ARHGEF2: variants seen among roughly 807,000 people sequenced by gnomAD.
The protein encoded by ARHGEF2 is Rho/Rac guanine nucleotide exchange factor 2.
Under a neutral mutation model 121.0 loss-of-function variants are expected in ARHGEF2, and 22 were observed. That is an observed-to-expected ratio of 0.18 (90% CI 0.13 to 0.26). The LOEUF is 0.26. Ranked by LOEUF, ARHGEF2 falls within the 10% of genes least tolerant of loss-of-function variation. The probability of loss-of-function intolerance (pLI) is 1.00; values close to 1 mark genes in which losing one functional copy is unlikely to be tolerated. For synonymous variants in ARHGEF2, 487 were observed against 530.0 expected, an observed-to-expected ratio of 0.92 and a Z score of 1.11; for missense variants, 907 against 1,336.0, an observed-to-expected ratio of 0.68 and a Z score of 5.01.
At position 155,950,697 on chromosome 1, in the gene ARHGEF2, C is replaced by G; in HGVS notation, c.2703+132G>C. On this transcript the variant is annotated intron_variant, in intron 20 of 21. Transcript: ENST00000361247. This position sits in a 1 kb window ranked among gnomAD's most constrained non-coding sequence, Gnocchi z 5.2. ...CTACATTTCTTTTCAGTTCTCCAAC[C>G]AGTATCTCAATATCCTTCAAGTCAG... 3.7e-6 allele frequency: 4 copies of G among 1,067,170 alleles called. No homozygotes were observed. The highest frequency in any genetic ancestry group is 5.5e-6 in the Non-Finnish European group (4 of 729,940). The allele number at this position is 1,067,170 out of a possible 1,614,324, so 66.1% of individuals were successfully genotyped here.
chr1:155,969,334 C>G (rs1680035132), intron 1 of ARHGEF2, 34 bp from the exon 2 acceptor site: 1 of 1,611,190 alleles, frequency 6.2e-7, no homozygotes, highest in East Asian at 2.2e-5. Flanking sequence ...GGAAGTGAGG[C>G]TGGAAAATGC....
rs1056942 is a variant in ARHGEF2, at chr1:155,952,721, T to C, written c.1891A>G (p.Met631Val). 6.2e-7 allele frequency: 1 copy of C among 1,614,144 alleles called. No homozygotes were observed. Among genetic ancestry groups the C allele is most frequent in the Non-Finnish European group, 8.5e-7 (1 of 1,180,018 alleles). The change falls in exon 15 of 22, where the codon ATG becomes GTG. Residue 631 changes from methionine to valine, a missense_variant. By Grantham distance (21) the Met-to-Val change is conservative (BLOSUM62 1). Transcript: ENST00000361247. ...FQAEEDGGSG[M>V]ALPTLPRGLF... ...CCCCTGGGCAGGGTGGGCAGGGCCA[T>C]CCCACTGCCACCATCCTCTTCGGCC...
In ARHGEF2 at chr1:155,951,599, C is replaced by T; in HGVS notation, c.2209-66G>A. ...ATGGGAGAACTGCCCAAAAGTTGAA[C>T]AAGGGTGGGTGTGGGGACAGTAGGA... On this transcript the variant is annotated intron_variant, in intron 18 of 21. Coordinates refer to ENST00000361247, the MANE Select transcript of ARHGEF2 (RefSeq NM_001162383.2). The surrounding 1 kb of genome is among the most constrained non-coding windows in gnomAD (Gnocchi z 5.1). 6.2e-7 allele frequency: 1 copy of T among 1,611,786 alleles called. No homozygotes were observed.
In ARHGEF2 at chr1:155,978,058, G is replaced by A; in HGVS notation, c.63+307C>T. On this transcript the variant is annotated intron_variant, in intron 1 of 21. Transcript: ENST00000361247. The surrounding 1 kb of genome is among the most constrained non-coding windows in gnomAD (Gnocchi z 4.1). ...ACACACACCTCCCTCTTCCCGCTCC[G>A]TCCCTTACCGGAGCAACTTTCTTTC... 8.9e-7 allele frequency: 1 copy of A among 1,129,706 alleles called. No individual in the cohort carries two copies. Among genetic ancestry groups the A allele is most frequent in the Non-Finnish European group, 1.1e-6 (1 of 920,894 alleles). The allele number at this position is 1,129,706 out of a possible 1,614,324, so 70.0% of individuals were successfully genotyped here.
Position 155,961,957 on chromosome 1 carries a change from C to T in ARHGEF2, c.1220-48G>A. ...GGAACGGCTCAACCAGTTTCACTCA[C>T]ACCCCAGTTCCCATCGTGTCTTGAT... On this transcript the variant is annotated intron_variant, in intron 10 of 21. Transcript: ENST00000361247. This position sits in a 1 kb window ranked among gnomAD's most constrained non-coding sequence, Gnocchi z 4.7. 2 of 1,607,922 alleles carry T rather than the reference C, an allele frequency of 1.2e-6. No individual in the cohort carries two copies. Among genetic ancestry groups the T allele is most frequent in the Non-Finnish European group, 1.7e-6 (2 of 1,175,498 alleles).
Position 155,978,220 on chromosome 1 carries a change from CCCCGT to C in ARHGEF2, c.63+140_63+144del. 1 of 1,314,130 alleles carries C rather than the reference CCCCGT, an allele frequency of 7.6e-7. No homozygotes were observed. Among genetic ancestry groups the C allele is most frequent in the Non-Finnish European group, 9.8e-7 (1 of 1,016,366 alleles). The allele number at this position is 1,314,130 out of a possible 1,614,324, so 81.4% of individuals were successfully genotyped here. On this transcript the variant is annotated intron_variant, in intron 1 of 21. Transcript: ENST00000361247. The surrounding 1 kb of genome is among the most constrained non-coding windows in gnomAD (Gnocchi z 4.1). ...CCCACTCGCTCGCAGTCCCCACCCA[CCCCGT>C]CCCGCCGCTCGCCGATCCACCGCTC...
At chr1:155,975,500 C>T (rs1321473490) in intron 1 of ARHGEF2, among the ~76,000 whole-genome samples, 2 of 152,064 alleles carry the variant, frequency 1.3e-5, no homozygotes, top group East Asian at 1.9e-4. Context: ...AACTCTCTCC[C>T]TAACCTCCAC....
chr1:155,960,482 A>AG (rs200915920), intron 11 of ARHGEF2, among the ~76,000 whole-genome samples: 81,864 of 150,034 alleles, frequency 0.55, 25,477 homozygotes, highest in Non-Finnish European at 0.71. Context: ...AAAAAAAAAA[A>AG]AGAGAGAGAA....
intron 13 of ARHGEF2, among the ~76,000 whole-genome samples, chr1:155,956,000 G>A (rs1676589244): frequency 1.3e-5 from 2 of 152,130 alleles, no homozygotes; most frequent in South Asian, 2.1e-4. Context: ...GAGCCACAGC[G>A]CCTGGCCACA....
Position 155,952,100 on chromosome 1 carries a change from C to T in ARHGEF2, c.2104+16G>A, listed in dbSNP as rs758659768. 16 of 1,614,180 alleles carry T rather than the reference C, an allele frequency of 9.9e-6. No individual in the cohort carries two copies. The highest frequency in any genetic ancestry group is 1.4e-5 in the Non-Finnish European group (16 of 1,180,014). Reference sequence around the variant, plus strand: ...CCCTCCCACCTACTACCTTGGTCCCCTGCCCTGGTACTCACTGGCAGTGAC... The same window carrying T: ...CCCTCCCACCTACTACCTTGGTCCCTTGCCCTGGTACTCACTGGCAGTGAC... On this transcript the variant is annotated intron_variant, in intron 16 of 21. Coordinates refer to ENST00000361247, the MANE Select transcript of ARHGEF2 (RefSeq NM_001162383.2).
intron 1 of ARHGEF2, chr1:155,977,939 T>G: frequency 3.5e-6 from 1 of 287,386 alleles, no homozygotes; most frequent in Non-Finnish European, 5.3e-6. Context: ...AAGCCAGCGA[T>G]TGGGGAGTGA....
chr1:155,961,582 G>A lies in ARHGEF2; in HGVS notation c.1468+79C>T. On this transcript the variant is annotated intron_variant, in intron 11 of 21. Coordinates refer to ENST00000361247, the MANE Select transcript of ARHGEF2 (RefSeq NM_001162383.2). This position sits in a 1 kb window ranked among gnomAD's most constrained non-coding sequence, Gnocchi z 4.7. ...GAGCCACTGCACCCGGCCAAGAGAG[G>A]TTGATTCTAAGACCTGCAGGCATCT... is the stretch of plus-strand genomic sequence containing the variant. 1 of 1,548,694 alleles carries A rather than the reference G, an allele frequency of 6.5e-7. No homozygotes were observed. The highest frequency in any genetic ancestry group is 1.8e-5 in the Admixed American group (1 of 56,438).
At position 155,950,837 on chromosome 1, in the gene ARHGEF2, G is replaced by T. The variant is rs1176244350; in HGVS notation, c.2695C>A (p.Pro899Thr). ...AGDALYLSFNPPQPSRGTDRL... is the reference protein window; with the variant it reads ...AGDALYLSFNTPQPSRGTDRL... ...ACTGCAGGCCACCTTACCTGTGGGG[G>T]GTTGAAACTCAAGTACAGGGCATCG... The change falls in exon 20 of 22, where the codon CCC becomes ACC. Residue 899 changes from proline to threonine, a missense_variant. Transcript: ENST00000361247. The surrounding 1 kb of genome is among the most constrained non-coding windows in gnomAD (Gnocchi z 5.2). The T allele has an allele frequency of 1.3e-6, 2 of 1,524,074 alleles. No individual in the cohort carries two copies. 94.4% of individuals were successfully genotyped at this position (1,524,074 alleles called of 1,614,324 possible). A position where few individuals can be genotyped will look rare whatever the true frequency, so the allele number is the denominator to read the frequency against.
rs372851021 is a variant in ARHGEF2, at chr1:155,950,472, C to T, written c.2714G>A (p.Gly905Asp). ...GACAGGTAGATCCAGGCGGTCAGTG[C>T]CTCGGCTGGGCTGTGGACAGTGGGC... ...LSFNPPQPSRGTDRLDLPVTT... is the reference protein window; with the variant it reads ...LSFNPPQPSRDTDRLDLPVTT... Residue 905 changes from glycine (G) to aspartate (D), a missense_variant, in exon 21 of 22, where the codon GGC becomes GAC. Coordinates refer to ENST00000361247, the MANE Select transcript of ARHGEF2 (RefSeq NM_001162383.2). This position sits in a 1 kb window ranked among gnomAD's most constrained non-coding sequence, Gnocchi z 5.2. The T allele has an allele frequency of 2.5e-6, 4 of 1,613,568 alleles. No homozygotes were observed. In the African/African-American group the frequency reaches 4.0e-5, roughly 16 times the overall value.
Position 155,978,198 on chromosome 1 carries a change from A to C in ARHGEF2, c.63+167T>G, listed in dbSNP as rs1417960322. 19 of 1,267,380 alleles carry C rather than the reference A, an allele frequency of 1.5e-5. No homozygotes were observed. The East Asian group carries it at 3.5e-4, about 24-fold the overall frequency. The allele number at this position is 1,267,380 out of a possible 1,614,324, so 78.5% of individuals were successfully genotyped here. A position where few individuals can be genotyped will look rare whatever the true frequency, so the allele number is the denominator to read the frequency against. ...TCTGCCGCTCCCCCCACCCCTACCCACTCGCTCGCAGTCCCCACCCACCCC... is the reference window on the plus strand; with the variant it reads ...TCTGCCGCTCCCCCCACCCCTACCCCCTCGCTCGCAGTCCCCACCCACCCC... On this transcript the variant is annotated intron_variant, in intron 1 of 21. Coordinates refer to ENST00000361247, the MANE Select transcript of ARHGEF2 (RefSeq NM_001162383.2). The surrounding 1 kb of genome is among the most constrained non-coding windows in gnomAD (Gnocchi z 4.1).
chr1:155,964,174 A>ATATATATATATATATG (rs1678760977), intron 7 of ARHGEF2, among the ~76,000 whole-genome samples: 1 of 78,710 alleles, frequency 1.3e-5, no homozygotes, highest in Admixed American at 1.4e-4. Flanking sequence ...AAAAATATAT[A>ATATATATATATATATG]TATATATATA....
rs978234335 is a variant in ARHGEF2, at chr1:155,970,035, C to T, written c.64-735G>A. The T allele has an allele frequency of 5.1e-6, 5 of 985,336 alleles. No individual in the cohort carries two copies. The African/African-American group carries it at 8.7e-5, about 17-fold the overall frequency. The allele number at this position is 985,336 out of a possible 1,614,324, so 61.0% of individuals were successfully genotyped here. ...ACTCTGGGATCTTTAAGTAAGGAAGCTCAGCCAGCCATCTTGGTTGCTTCC... is the reference window on the plus strand; with the variant it reads ...ACTCTGGGATCTTTAAGTAAGGAAGTTCAGCCAGCCATCTTGGTTGCTTCC... On this transcript the variant is annotated intron_variant, in intron 1 of 21. Coordinates refer to ENST00000361247, the MANE Select transcript of ARHGEF2 (RefSeq NM_001162383.2).
chr1:155,962,443 G>A lies in ARHGEF2; in HGVS notation c.1101+150C>T. On this transcript the variant is annotated intron_variant, in intron 9 of 21. Coordinates refer to ENST00000361247, the MANE Select transcript of ARHGEF2 (RefSeq NM_001162383.2). This position sits in a 1 kb window ranked among gnomAD's most constrained non-coding sequence, Gnocchi z 5.8. ...CCACAACGTGCTCTAGCATTCTGAGGGGTTACTGCTGACAGGATCTGTGTA... is the reference window on the plus strand; with the variant it reads ...CCACAACGTGCTCTAGCATTCTGAGAGGTTACTGCTGACAGGATCTGTGTA... The A allele has an allele frequency of 8.2e-7, 1 of 1,212,244 alleles. No individual in the cohort carries two copies. The allele number at this position is 1,212,244 out of a possible 1,614,324, so 75.1% of individuals were successfully genotyped here.
chr1:155,968,202 CTTT>C (rs11291941), intron 2 of ARHGEF2: 39 of 126,824 alleles, frequency 3.1e-4, no homozygotes, highest in Non-Finnish European at 3.4e-4. Flanking sequence ...TCTTTTCTTT[CTTT>C]TTTTTTTTTT....
Sources: gnomAD v4.1 joint callset for allele counts (sites outside exome capture counted in the v4.1 genomes callset) on GRCh38, gnomAD v4.1.1 for gene constraint, Gnocchi (gnomAD v3.1) non-coding constraint, MANE v1.5 for transcripts, NCBI Gene and HGNC (gene_info 2026-07-23, HGNC 2026-07-21) for gene names.